PDZRN4: variants seen among roughly 807,000 people sequenced by gnomAD.
The protein encoded by PDZRN4 is PDZ domain containing ring finger 4, also known as PDZ domain-containing RING finger protein 4.
PDZRN4 carries 70 observed loss-of-function variants against 99.0 expected under a neutral mutation model. That is an observed-to-expected ratio of 0.71 (90% CI 0.58 to 0.86). PDZRN4 has a LOEUF of 0.86. Among genes scored for constraint, PDZRN4 ranks in the 40% least tolerant of loss-of-function variants. The pLI is 0.00. For missense variants in PDZRN4, 1,474 were observed against 1,331.2 expected (o/e 1.11, Z -1.67); for synonymous variants, 551 against 501.6 (o/e 1.10, Z -1.32).
intron 6 of PDZRN4, among the ~76,000 whole-genome samples, chr12:41,553,306 G>A (rs1565613348): frequency 1.3e-5 from 2 of 152,262 alleles, no homozygotes; most frequent in African/African-American, 4.8e-5. Flanking sequence ...AGTCTAAAAT[G>A]CGAGATACTG....
At chr12:41,321,345 T>C (rs894470860) in intron 3 of PDZRN4, among the ~76,000 whole-genome samples, 4 of 152,190 alleles carry the variant, frequency 2.6e-5, no homozygotes, top group Non-Finnish European at 5.9e-5. Flanking sequence ...GCTTCTAATC[T>C]TAGGATCATT....
At chr12:41,528,212 T>C (rs762321355) in intron 5 of PDZRN4, among the ~76,000 whole-genome samples, 18 of 152,090 alleles carry the variant, frequency 1.2e-4, no homozygotes, top group Non-Finnish European at 2.5e-4. Context: ...GTTTTTGTTT[T>C]TGTTTTTGTT....
In PDZRN4 at chr12:41,188,709, C is replaced by T; in HGVS notation, c.254C>T (p.Ala85Val). 6.4e-7 allele frequency: 1 copy of T among 1,557,058 alleles called. No individual in the cohort carries two copies. The highest frequency in any genetic ancestry group is 1.2e-5 in the South Asian group (1 of 85,424). Residue 85 changes from alanine to valine, a missense_variant, in exon 1 of 10, where the codon GCC (alanine) becomes GTC (valine). By Grantham distance (64) the Ala-to-Val change is moderately conservative. Transcript: ENST00000402685. The part of the protein sequence containing the change: ...QKLRVQCDYR[A>V]RGCGHSVRLH... ...CTGCGAGTCCAGTGCGACTACCGCG[C>T]CCGCGGCTGCGGCCACTCGGTCAGG...
intron 3 of PDZRN4, among the ~76,000 whole-genome samples, chr12:41,382,025 G>T (rs1483469205): frequency 1.3e-5 from 2 of 152,052 alleles, no homozygotes; most frequent in South Asian, 2.1e-4. Flanking sequence ...CCATAGTCAG[G>T]CAGGGCTGCT....
At chr12:41,270,311 G>GGTGT (rs376382425) in intron 3 of PDZRN4, among the ~76,000 whole-genome samples, 1,580 of 145,078 alleles carry the variant, frequency 0.011, 40 homozygotes, top group African/African-American at 0.035. Flanking sequence ...CTGTGTGTGT[G>GGTGT]GTGTGTGTGT....
intron 3 of PDZRN4, chr12:41,437,585 CA>C (rs752388381): frequency 1.7e-5 from 5 of 289,142 alleles, no homozygotes; most frequent in Non-Finnish European, 3.0e-5. Flanking sequence ...GCAGCTATGA[CA>C]CCCCTCCCTG....
At chr12:41,258,319 T>C (rs975197853) in intron 3 of PDZRN4, among the ~76,000 whole-genome samples, 2 of 152,128 alleles carry the variant, frequency 1.3e-5, no homozygotes, top group Admixed American at 1.3e-4. Flanking sequence ...AGCCTCAATG[T>C]TTTTATTTTG....
chr12:41,306,355 G>A (rs143341536), intron 3 of PDZRN4, among the ~76,000 whole-genome samples: 123 of 152,276 alleles, frequency 8.1e-4, no homozygotes, highest in African/African-American at 2.7e-3. Context: ...TCTCTGAATT[G>A]CCTTTGGGGC....
chr12:41,366,552 T>C (rs1728468628), intron 3 of PDZRN4, among the ~76,000 whole-genome samples: 1 of 152,146 alleles, frequency 6.6e-6, no homozygotes, highest in Non-Finnish European at 1.5e-5. Context: ...TAACCTATTT[T>C]TATATGAAAT....
At chr12:41,291,649 A>G (rs1250696018) in intron 3 of PDZRN4, among the ~76,000 whole-genome samples, 1 of 152,182 alleles carries the variant, frequency 6.6e-6, no homozygotes, top group Non-Finnish European at 1.5e-5. Flanking sequence ...GTTTATAGTT[A>G]TTGAGTGAGG....
chr12:41,547,665 A>C (rs762995925), intron 5 of PDZRN4, among the ~76,000 whole-genome samples: 10 of 152,064 alleles, frequency 6.6e-5, no homozygotes, highest in Middle Eastern at 3.2e-3. Flanking sequence ...AAAATGTATG[A>C]ATCACTTCTC....
intron 3 of PDZRN4, among the ~76,000 whole-genome samples, chr12:41,451,664 A>G (rs1952774814): frequency 2.0e-5 from 3 of 152,216 alleles, no homozygotes; most frequent in Admixed American, 2.0e-4. Flanking sequence ...TTCTAAGATC[A>G]TCTCATTGAT....
intron 3 of PDZRN4, among the ~76,000 whole-genome samples, chr12:41,461,830 C>A (rs757711837): frequency 6.6e-6 from 1 of 152,048 alleles, no homozygotes; most frequent in Non-Finnish European, 1.5e-5. Flanking sequence ...TCAGCAGATG[C>A]TTTATATTTT....
chr12:41,574,442 C>T lies in PDZRN4; in HGVS notation c.*552C>T, dbSNP rs947889756. 4.6e-5 allele frequency: 7 copies of T among 152,658 alleles called. No homozygotes were observed. The highest frequency in any genetic ancestry group is 8.8e-5 in the Non-Finnish European group (6 of 68,064). The allele number at this position is 152,658 out of a possible 1,614,324, so 9.5% of individuals were successfully genotyped here. On this transcript the variant is annotated 3_prime_UTR_variant, in exon 10 of 10. Coordinates refer to ENST00000402685, the MANE Select transcript of PDZRN4 (RefSeq NM_001164595.2). Reference sequence around the variant, plus strand: ...TGTTAACATCCCATTGTACATTTAACACATAAATGGCCATTGTCTTTGTCT... The same window carrying T: ...TGTTAACATCCCATTGTACATTTAATACATAAATGGCCATTGTCTTTGTCT...
chr12:41,482,802 G>A (rs1265979622), intron 3 of PDZRN4, among the ~76,000 whole-genome samples: 6 of 152,032 alleles, frequency 3.9e-5, no homozygotes, highest in African/African-American at 1.4e-4. Context: ...TATACCTAGT[G>A]TATAGTGAGA....
intron 7 of PDZRN4, among the ~76,000 whole-genome samples, chr12:41,556,784 T>C (rs953282065): frequency 6.6e-6 from 1 of 152,190 alleles, no homozygotes; most frequent in African/African-American, 2.4e-5. Flanking sequence ...CAGGAATAGC[T>C]GAAAGCCAGT....
At chr12:41,268,816 A>G (rs540965571) in intron 3 of PDZRN4, among the ~76,000 whole-genome samples, 2 of 152,328 alleles carry the variant, frequency 1.3e-5, no homozygotes, top group African/African-American at 4.8e-5. Flanking sequence ...TAAAAGTTCA[A>G]ATTAAATTCG....
chr12:41,235,946 A>G (rs183406780), intron 3 of PDZRN4, among the ~76,000 whole-genome samples: 152 of 152,340 alleles, frequency 1.0e-3, no homozygotes, highest in Admixed American at 2.6e-3. Context: ...TTAAAGCTAA[A>G]GAGTTATATT....
At chr12:41,455,627 G>A (rs991228979) in intron 3 of PDZRN4, among the ~76,000 whole-genome samples, 12 of 152,130 alleles carry the variant, frequency 7.9e-5, no homozygotes, top group East Asian at 1.9e-4. Flanking sequence ...ACTCCTCCCC[G>A]ATCTTAGGAT....
Sources: allele counts gnomAD v4.1 joint callset (sites outside exome capture counted in the v4.1 genomes callset), GRCh38; gene constraint gnomAD v4.1.1; transcripts MANE v1.5; gene names NCBI Gene and HGNC (gene_info 2026-07-23, HGNC 2026-07-21).